The following IKZF3 variants were observed in gnomAD, a reference collection of about 807,000 sequenced individuals.
IKZF3 encodes IKAROS family zinc finger 3.
In IKZF3, 10 loss-of-function variants were observed where a neutral mutation model predicts 49.0. The ratio of observed to expected loss-of-function variants is 0.20; its 90% CI spans 0.13 to 0.35. The LOEUF is 0.35. IKZF3 is among the 10% of genes least tolerant of loss of function. IKZF3 has a pLI of 1.00. For synonymous variants in IKZF3, 209 were observed against 228.2 expected (o/e 0.92, Z 0.76); for missense variants, 498 against 664.8 (o/e 0.75, Z 2.76).
chr17:39,840,710 G>A (rs1174781676), intron 1 of IKZF3, among the ~76,000 whole-genome samples: 2 of 152,204 alleles, frequency 1.3e-5, no homozygotes, highest in South Asian at 2.1e-4. Context: ...AAAGGCAGGG[G>A]AAATACACAT....
At chr17:39,812,995 T>C (rs973436788) in intron 3 of IKZF3, among the ~76,000 whole-genome samples, 1 of 152,004 alleles carries the variant, frequency 6.6e-6, no homozygotes, top group African/African-American at 2.4e-5. Context: ...CCAGCTACTT[T>C]AGAGGCTGAG....
Position 39,864,186 on chromosome 17 carries a change from T to C in IKZF3, c.-60A>G. On this transcript the variant is annotated 5_prime_UTR_variant, in exon 1 of 8. Transcript: ENST00000346872. ...GCTACTCGGCCTCTCCACGTGCTCC[T>C]GCCGTCGCCTGGACTCAGCGCGCAG... The C allele has an allele frequency of 6.3e-7, 1 of 1,596,232 alleles. No individual in the cohort carries two copies. Among genetic ancestry groups the C allele is most frequent in the Non-Finnish European group, 8.5e-7 (1 of 1,170,230 alleles).
intron 3 of IKZF3, among the ~76,000 whole-genome samples, chr17:39,816,686 C>T (rs374413677): frequency 1.3e-5 from 2 of 152,160 alleles, no homozygotes; most frequent in Non-Finnish European, 2.9e-5. Context: ...CACAAGCAAG[C>T]GTATTTATGT....
Position 39,765,589 on chromosome 17 carries a change from C to A in IKZF3, c.*201G>T. The A allele has an allele frequency of 2.0e-6, 1 of 496,172 alleles. No individual in the cohort carries two copies. 30.7% of individuals were successfully genotyped at this position (496,172 alleles called of 1,614,324 possible). The stretch of plus-strand genomic sequence containing the variant: ...GTCCCTGATGGGAAAACAAAGGTTT[C>A]ACAAAAGTAATAATATGCTAGACCT... On this transcript the variant is annotated 3_prime_UTR_variant, in exon 8 of 8. Coordinates refer to ENST00000346872, the MANE Select transcript of IKZF3 (RefSeq NM_012481.5).
chr17:39,832,940 T>G (rs1171980563), intron 1 of IKZF3, among the ~76,000 whole-genome samples: 1 of 152,186 alleles, frequency 6.6e-6, no homozygotes, highest in Non-Finnish European at 1.5e-5. Context: ...TTCCCTGACT[T>G]GATTATTATA....
chr17:39,785,481 T>G (rs2060852041), intron 6 of IKZF3, among the ~76,000 whole-genome samples: 2 of 152,210 alleles, frequency 1.3e-5, no homozygotes, highest in African/African-American at 4.8e-5. Flanking sequence ...CAGCATTTCC[T>G]GAATCACCTA....
chr17:39,780,861 A>G (rs1480733542), intron 6 of IKZF3, among the ~76,000 whole-genome samples: 2 of 152,238 alleles, frequency 1.3e-5, no homozygotes, highest in African/African-American at 4.8e-5. Flanking sequence ...ATGAAAAAGA[A>G]GAGGATGATA....
At chr17:39,815,815 TTTC>T (rs1214999282) in intron 3 of IKZF3, among the ~76,000 whole-genome samples, 1 of 152,234 alleles carries the variant, frequency 6.6e-6, no homozygotes, top group Non-Finnish European at 1.5e-5. Context: ...GAACTCTGAA[TTTC>T]TTCATTTCTT....
chr17:39,804,524 T>C (rs2061392379), intron 3 of IKZF3, among the ~76,000 whole-genome samples: 4 of 152,040 alleles, frequency 2.6e-5, no homozygotes, highest in Admixed American at 6.6e-5. Flanking sequence ...TGATGATAAC[T>C]AGGCCAGGCA....
intron 1 of IKZF3, among the ~76,000 whole-genome samples, chr17:39,845,529 A>G (rs1038426201): frequency 2.0e-5 from 3 of 151,200 alleles, no homozygotes; most frequent in Non-Finnish European, 4.4e-5. Context: ...GTCTCCAAAA[A>G]AGAAAAAAAA....
At chr17:39,797,392 G>C (rs1216471708) in intron 3 of IKZF3, among the ~76,000 whole-genome samples, 1 of 149,336 alleles carries the variant, frequency 6.7e-6, no homozygotes, top group East Asian at 2.0e-4. Flanking sequence ...ACCATTCCTT[G>C]TTCTTCTGCA....
chr17:39,810,089 G>T (rs1250871348), intron 3 of IKZF3, among the ~76,000 whole-genome samples: 1 of 152,110 alleles, frequency 6.6e-6, no homozygotes, highest in African/African-American at 2.4e-5. Flanking sequence ...ACATACTATT[G>T]ATTGATTTCT....
At chr17:39,788,559 A>T (rs1344613524) in intron 5 of IKZF3, among the ~76,000 whole-genome samples, 185 bp from the exon 6 acceptor site, 1 of 152,214 alleles carries the variant, frequency 6.6e-6, no homozygotes, top group Non-Finnish European at 1.5e-5. Context: ...ATGATTAATT[A>T]TTACGTCAGA....
intron 3 of IKZF3, among the ~76,000 whole-genome samples, chr17:39,813,664 T>C (rs2061613828): frequency 6.6e-6 from 1 of 151,480 alleles, no homozygotes; most frequent in Non-Finnish European, 1.5e-5. Context: ...GGGAGAGATG[T>C]CTTGGTTTTA....
chr17:39,839,198 T>C (rs1203388308), intron 1 of IKZF3, among the ~76,000 whole-genome samples: 1 of 152,122 alleles, frequency 6.6e-6, no homozygotes, highest in East Asian at 1.9e-4. Context: ...CATATATTTA[T>C]TACTGAATGC....
intron 3 of IKZF3, among the ~76,000 whole-genome samples, chr17:39,822,507 C>A (rs1460634980): frequency 2.6e-5 from 4 of 152,064 alleles, no homozygotes; most frequent in Non-Finnish European, 5.9e-5. Context: ...CTGAGGCCTC[C>A]CCAGCCATGC....
Position 39,864,252 on chromosome 17 carries a change from G to A in IKZF3, c.-126C>T. ...CGGCGCGGGGAGTCCCCGGGATCCGGCAGCCGCGTCGGCGCAGACTGAAAA... is the reference window on the plus strand; with the variant it reads ...CGGCGCGGGGAGTCCCCGGGATCCGACAGCCGCGTCGGCGCAGACTGAAAA... On this transcript the variant is annotated 5_prime_UTR_variant, in exon 1 of 8. Transcript: ENST00000346872. The A allele has an allele frequency of 8.8e-7, 1 of 1,138,504 alleles. No homozygotes were observed. The highest frequency in any genetic ancestry group is 2.4e-5 in the Admixed American group (1 of 41,066). The allele number at this position is 1,138,504 out of a possible 1,614,324, so 70.5% of individuals were successfully genotyped here. A position where few individuals can be genotyped will look rare whatever the true frequency, so the allele number is the denominator to read the frequency against.
rs1229496729 is a variant in IKZF3, at chr17:39,757,796, A to G, written c.*7994T>C. 6.6e-6 allele frequency: 1 copy of G among 152,230 alleles called. No individual in the cohort carries two copies. Among genetic ancestry groups the G allele is most frequent in the African/African-American group, 2.4e-5 (1 of 41,464 alleles). 9.4% of individuals were successfully genotyped at this position (152,230 alleles called of 1,614,324 possible). A position where few individuals can be genotyped will look rare whatever the true frequency, so the allele number is the denominator to read the frequency against. On this transcript the variant is annotated 3_prime_UTR_variant, in exon 8 of 8. Transcript: ENST00000346872. ...AACCTAGAAAACTATCAGCAGGGCT[A>G]TTTCTTACAGGGTTCCAGCAAGGGT...
chr17:39,836,956 A>G (rs896817361), intron 1 of IKZF3, among the ~76,000 whole-genome samples: 1 of 152,078 alleles, frequency 6.6e-6, no homozygotes, highest in Non-Finnish European at 1.5e-5. Flanking sequence ...TTTTTGAGAT[A>G]GGGTCTCACT....
Sources: gnomAD v4.1 joint callset for allele counts (sites outside exome capture counted in the v4.1 genomes callset) on GRCh38, gnomAD v4.1.1 for gene constraint, MANE v1.5 for transcripts, NCBI Gene and HGNC (gene_info 2026-07-23, HGNC 2026-07-21) for gene names.